NELL1: variants seen among roughly 807,000 people sequenced by gnomAD.
The protein encoded by NELL1 is neural EGFL like 1, also known as protein kinase C-binding protein NELL1.
Under a neutral mutation model 107.4 loss-of-function variants are expected in NELL1, and 76 were observed. The ratio of observed to expected loss-of-function variants is 0.71; its 90% confidence interval spans 0.59 to 0.86. The LOEUF is 0.86. Ranked by LOEUF, NELL1 falls within the 40% of genes least tolerant of loss-of-function variation. The pLI is 0.00. For missense variants in NELL1, 1,024 were observed against 1,005.5 expected (o/e 1.02, Z -0.25); for synonymous variants, 353 against 341.2 (o/e 1.03, Z -0.38).
intron 15 of NELL1, among the ~76,000 whole-genome samples, chr11:21,412,413 G>A (rs1347343663): frequency 6.6e-6 from 1 of 152,034 alleles, no homozygotes; most frequent in African/African-American, 2.4e-5. Flanking sequence ...ATCCCTATCT[G>A]CTTCAATACT....
chr11:21,137,207 T>C (rs373391190), intron 13 of NELL1, among the ~76,000 whole-genome samples: 1 of 152,282 alleles, frequency 6.6e-6, no homozygotes, highest in South Asian at 2.1e-4. Flanking sequence ...CTGATACAGA[T>C]AAGTAAATAA....
In NELL1 at chr11:21,011,939, C is replaced by T. The variant is rs866406055; in HGVS notation, c.1300+51379C>T. ...TCAACTTCTGGAGTTATTTCTATCA[C>T]TGTATTCATCACCGTAATGTGAAGT... On this transcript the variant is annotated intron_variant, in intron 12 of 19. Coordinates refer to ENST00000357134, the MANE Select transcript of NELL1 (RefSeq NM_006157.5). Among the ~76,000 whole-genome samples the T allele has an allele frequency of 3.9e-5, 6 of 152,166 alleles. No individual in the cohort carries two copies. The South Asian group carries it at 1.2e-3, about 31-fold the overall frequency.
chr11:21,469,059 GA>G (rs146441520), intron 15 of NELL1, among the ~76,000 whole-genome samples: 2,321 of 152,036 alleles, frequency 0.015, 58 homozygotes, highest in African/African-American at 0.052. Context: ...TGAGCAAGAA[GA>G]ACAGACATAT....
intron 15 of NELL1, among the ~76,000 whole-genome samples, chr11:21,419,629 T>C (rs536566877): frequency 6.6e-6 from 1 of 151,736 alleles, no homozygotes; most frequent in South Asian, 2.1e-4. Flanking sequence ...ACTGTAGCAA[T>C]TAGCTTAATG....
intron 4 of NELL1, among the ~76,000 whole-genome samples, chr11:20,856,372 C>T (rs1055152451): frequency 1.2e-4 from 19 of 152,178 alleles, no homozygotes; most frequent in Non-Finnish European, 2.2e-4. Context: ...AATGGTGTCT[C>T]TAACTCTCCC....
At chr11:20,760,168 A>C (rs1005938468) in intron 2 of NELL1, among the ~76,000 whole-genome samples, 1 of 152,240 alleles carries the variant, frequency 6.6e-6, no homozygotes, top group Non-Finnish European at 1.5e-5. Context: ...ACTGGGCCTC[A>C]ACTTAGCTGG....
intron 14 of NELL1, among the ~76,000 whole-genome samples, chr11:21,366,433 C>A (rs927370694): frequency 6.6e-6 from 1 of 152,080 alleles, no homozygotes; most frequent in African/African-American, 2.4e-5. Context: ...TGGTTCCTGA[C>A]ACCTTGTAAT....
At chr11:21,454,522 A>G (rs949048956) in intron 15 of NELL1, among the ~76,000 whole-genome samples, 1 of 152,158 alleles carries the variant, frequency 6.6e-6, no homozygotes, top group Non-Finnish European at 1.5e-5. Context: ...AAACTCTAAC[A>G]TATATTATTA....
At chr11:21,103,546 A>G (rs1049566477) in intron 12 of NELL1, among the ~76,000 whole-genome samples, 2 of 152,226 alleles carry the variant, frequency 1.3e-5, no homozygotes, top group Admixed American at 1.3e-4. Flanking sequence ...GAATTGATAC[A>G]TGCAAAATGC....
At chr11:20,677,478 A>T (rs1854087373) in intron 1 of NELL1, among the ~76,000 whole-genome samples, 1 of 152,202 alleles carries the variant, frequency 6.6e-6, no homozygotes, top group African/African-American at 2.4e-5. Context: ...TCATGGCAAG[A>T]CTTGATCTAA....
intron 5 of NELL1, among the ~76,000 whole-genome samples, chr11:20,904,375 G>T (rs11025808): frequency 6.6e-6 from 1 of 151,992 alleles, no homozygotes; most frequent in Admixed American, 6.6e-5. Flanking sequence ...TTGTATGCAC[G>T]TACCAAATAT....
intron 14 of NELL1, among the ~76,000 whole-genome samples, chr11:21,333,795 T>G (rs966382682): frequency 6.6e-6 from 1 of 152,046 alleles, no homozygotes; most frequent in Admixed American, 6.6e-5. Flanking sequence ...CTATTCTCCA[T>G]GCACATATGT....
chr11:20,779,937 C>T (rs1372244430), intron 2 of NELL1, among the ~76,000 whole-genome samples: 1 of 152,170 alleles, frequency 6.6e-6, no homozygotes, highest in Non-Finnish European at 1.5e-5. Context: ...GATCTCAGTC[C>T]TTTGAAACCT....
chr11:21,276,818 A>C (rs953597470), intron 14 of NELL1, among the ~76,000 whole-genome samples: 1 of 152,244 alleles, frequency 6.6e-6, no homozygotes, highest in African/African-American at 2.4e-5. Context: ...TGTTTAATCA[A>C]TGGCGCTGGG....
At chr11:20,876,182 T>C (rs1396510797) in intron 4 of NELL1, among the ~76,000 whole-genome samples, 3 of 152,250 alleles carry the variant, frequency 2.0e-5, no homozygotes, top group East Asian at 1.9e-4. Flanking sequence ...CCATGCTCTA[T>C]GTGGATTTAG....
rs141016269 is a variant in NELL1, at chr11:20,776,569, T to G, written c.185-7111T>G. ...TTGTGATAAGTACAATGAAGATAAA[T>G]AAAGACAGGAACCTGAGTTGGCCTG... On this transcript the variant is annotated intron_variant, in intron 2 of 19. Coordinates refer to ENST00000357134, the MANE Select transcript of NELL1 (RefSeq NM_006157.5). Among the ~76,000 whole-genome samples the G allele has an allele frequency of 4.6e-5, 7 of 152,144 alleles. No homozygotes were observed. The East Asian group carries it at 1.4e-3, about 29-fold the overall frequency.
At chr11:20,907,126 A>C (rs1424269608) in intron 5 of NELL1, among the ~76,000 whole-genome samples, 1 of 151,964 alleles carries the variant, frequency 6.6e-6, no homozygotes, top group South Asian at 2.1e-4. Flanking sequence ...TCTCAAAATC[A>C]ACTAACATTC....
intron 13 of NELL1, among the ~76,000 whole-genome samples, chr11:21,197,168 C>T (rs932295720): frequency 1.5e-4 from 23 of 151,628 alleles, no homozygotes; most frequent in Non-Finnish European, 3.1e-4. Flanking sequence ...TCAGCCACCT[C>T]ACCCAACCGG....
chr11:20,932,427 G>T (rs1435080960), intron 9 of NELL1, among the ~76,000 whole-genome samples: 1 of 152,192 alleles, frequency 6.6e-6, no homozygotes, highest in Non-Finnish European at 1.5e-5. Flanking sequence ...ATGTAGGTGA[G>T]AGGTTGAAAT....
Sources: allele counts gnomAD v4.1 joint callset (sites outside exome capture counted in the v4.1 genomes callset), GRCh38; gene constraint gnomAD v4.1.1; transcripts MANE v1.5; gene names NCBI Gene and HGNC (gene_info 2026-07-23, HGNC 2026-07-21).